SPATA31D1: variants seen among roughly 807,000 people sequenced by gnomAD.
The protein encoded by SPATA31D1 is spermatogenesis-associated protein 31D1.
Under a neutral mutation model 13.2 loss-of-function variants are expected in SPATA31D1, and 6 were observed. That is an observed-to-expected ratio of 0.46 (90% CI 0.25 to 0.90). The LOEUF (loss-of-function observed/expected upper bound fraction) is 0.90, where lower values mean the gene tolerates loss of function less well. SPATA31D1 is among the 40% of genes least tolerant of loss of function. The pLI, the probability that SPATA31D1 is intolerant of heterozygous loss-of-function variation, is 0.18. For missense variants in SPATA31D1, 2,445 were observed against 1,884.7 expected, an observed-to-expected ratio of 1.30 and a Z score of -5.50; for synonymous variants, 903 against 718.8, an observed-to-expected ratio of 1.26 and a Z score of -4.10.
In SPATA31D1 at chr9:81,993,923, T is replaced by A. The variant is rs770778867; in HGVS notation, c.3453T>A (p.Asn1151Lys). The A allele has an allele frequency of 3.7e-6, 6 of 1,613,890 alleles. No homozygotes were observed. Among genetic ancestry groups the A allele is most frequent in the Non-Finnish European group, 5.1e-6 (6 of 1,179,810 alleles). The change falls in exon 4 of 4, where the codon AAT (asparagine) becomes AAA (lysine). Residue 1151 changes from asparagine (N) to lysine (K), a missense_variant. By Grantham distance (94) the Asn-to-Lys change is moderately conservative. Transcript: ENST00000344803. ...GTAGAAAGACCTTTCCTGTCACCAA[T>A]GCTCTTCAATCACAAACTAGGAACA... ...QGSRKTFPVT[N>K]ALQSQTRNNL...
At position 81,988,861 on chromosome 9, in the gene SPATA31D1, G is replaced by C; in HGVS notation, c.43G>C (p.Gly15Arg). The C allele has an allele frequency of 6.2e-7, 1 of 1,612,922 alleles. No individual in the cohort carries two copies. Among genetic ancestry groups the C allele is most frequent in the African/African-American group, 1.3e-5 (1 of 74,982 alleles). ...LCFLNSYTET[G>R]LSPDSHWLDI... ...TTTTCTGAACAGCTATACTGAGACA[G>C]GGCTGAGCCCTGACTCACATTGGTT... The change falls in exon 1 of 4, where the codon GGG becomes CGG. Residue 15 changes from glycine to arginine, a missense_variant. Transcript: ENST00000344803.
chr9:81,991,734 A>T lies in SPATA31D1; in HGVS notation c.1264A>T (p.Arg422Trp), dbSNP rs1564173836. 6.2e-7 allele frequency: 1 copy of T among 1,613,856 alleles called. No individual in the cohort carries two copies. Among genetic ancestry groups the T allele is most frequent in the Admixed American group, 1.7e-5 (1 of 60,018 alleles). Residue 422 changes from arginine to tryptophan, a missense_variant, in exon 4 of 4, where the codon AGG (arginine) becomes TGG (tryptophan). Coordinates refer to ENST00000344803, the MANE Select transcript of SPATA31D1 (RefSeq NM_001001670.3). The part of the protein sequence containing the change: ...LALLERQVKK[R>W]GDFLMWKENG... Reference sequence around the variant, plus strand: ...ACTCCTGGAGAGACAAGTCAAAAAAAGGGGTGATTTCCTGATGTGGAAAGA... The same window carrying T: ...ACTCCTGGAGAGACAAGTCAAAAAATGGGGTGATTTCCTGATGTGGAAAGA...
chr9:81,991,385 A>G lies in SPATA31D1; in HGVS notation c.915A>G (p.Pro305=), dbSNP rs368251732. 6.8e-6 allele frequency: 11 copies of G among 1,613,796 alleles called. No individual in the cohort carries two copies. The African/African-American group carries it at 1.5e-4, about 22-fold the overall frequency. Residue 305 remains proline (P), a synonymous_variant, in exon 4 of 4, where the codon CCA becomes CCG. Transcript: ENST00000344803. ...GACCACCAATCCCATCTGCTTTACC[A>G]CCGGAAGATTGCACTGTGACTCAGT... ...HHGPPIPSAL[P]PEDCTVTQSK...
intron 3 of SPATA31D1, 40 bp from the exon 4 acceptor site, chr9:81,990,733 G>A: frequency 6.4e-7 from 1 of 1,564,174 alleles, no homozygotes; most frequent in South Asian, 1.2e-5. Context: ...CCCCTGCCAG[G>A]CTAACAAATC....
At chr9:81,990,391 T>G (rs1824926638) in intron 2 of SPATA31D1, 26 bp from the exon 3 acceptor site, 1 of 1,566,040 alleles carries the variant, frequency 6.4e-7, no homozygotes, top group Non-Finnish European at 8.7e-7. Flanking sequence ...TGCCTCTATC[T>G]TCATTGCATA....
chr9:81,994,671 G>A lies in SPATA31D1; in HGVS notation c.4201G>A (p.Glu1401Lys), dbSNP rs1825060185. 6.2e-7 allele frequency: 1 copy of A among 1,613,432 alleles called. No individual in the cohort carries two copies. The highest frequency in any genetic ancestry group is 8.5e-7 in the Non-Finnish European group (1 of 1,179,652). Residue 1401 changes from glutamate (E) to lysine (K), a missense_variant, in exon 4 of 4, where the codon GAA (glutamate) becomes AAA (lysine). Transcript: ENST00000344803. ...VIRAAFTGTT[E>K]AQKIRKDTRE... ...AAGAGCTGCCTTTACTGGGACTACT[G>A]AAGCTCAGAAAATTAGGAAAGACAC...
Position 81,994,876 on chromosome 9 carries a change from C to T in SPATA31D1, c.4406C>T (p.Thr1469Ile). Residue 1469 changes from threonine to isoleucine, a missense_variant, in exon 4 of 4, where the codon ACA becomes ATA. Coordinates refer to ENST00000344803, the MANE Select transcript of SPATA31D1 (RefSeq NM_001001670.3). ...CNYRAPSCKVTRTKSCSQQAI... is the reference protein window; with the variant it reads ...CNYRAPSCKVIRTKSCSQQAI... Reference sequence around the variant, plus strand: ...TACAGGGCTCCCTCCTGCAAAGTGACACGTACCAAATCTTGCAGCCAACAA... The same window carrying T: ...TACAGGGCTCCCTCCTGCAAAGTGATACGTACCAAATCTTGCAGCCAACAA... 1 of 1,613,968 alleles carries T rather than the reference C, an allele frequency of 6.2e-7. No individual in the cohort carries two copies.
In SPATA31D1 at chr9:81,992,672, C is replaced by T. The variant is rs377116387; in HGVS notation, c.2202C>T (p.Ile734=). The T allele has an allele frequency of 1.5e-5, 24 of 1,613,810 alleles. No individual in the cohort carries two copies. Among genetic ancestry groups the T allele is most frequent in the Non-Finnish European group, 1.9e-5 (23 of 1,179,732 alleles). The change falls in exon 4 of 4, where the codon ATC becomes ATT. Residue 734 remains isoleucine, a synonymous_variant. Coordinates refer to ENST00000344803, the MANE Select transcript of SPATA31D1 (RefSeq NM_001001670.3). The part of the protein sequence containing the change: ...VSERIHGPLN[I]SLVEGQRCNV... The stretch of plus-strand genomic sequence containing the variant: ...AGAGAATTCATGGACCGTTAAATAT[C>T]TCTTTGGTTGAGGGTCAGAGGTGCA...
At chr9:81,989,757 T>C in intron 1 of SPATA31D1, 21 bp from the exon 2 acceptor site, 3 of 1,613,086 alleles carry the variant, frequency 1.9e-6, no homozygotes, top group Non-Finnish European at 2.5e-6. Context: ...CAGCCTGTCA[T>C]TATCTGTCTT....
chr9:81,992,813 A>T lies in SPATA31D1; in HGVS notation c.2343A>T (p.Pro781=). The T allele has an allele frequency of 6.2e-7, 1 of 1,613,826 alleles. No individual in the cohort carries two copies. Among genetic ancestry groups the T allele is most frequent in the East Asian group, 2.2e-5 (1 of 44,866 alleles). Residue 781 remains proline (P), a synonymous_variant, in exon 4 of 4, where the codon CCA becomes CCT. Coordinates refer to ENST00000344803, the MANE Select transcript of SPATA31D1 (RefSeq NM_001001670.3). ...AGGGATACAGCCAGGAGACTGTCCC[A>T]AAAGATCACCTGTTGCATGGTCCGG... The part of the protein sequence containing the change: ...NYQGYSQETV[P]KDHLLHGPET...
Position 81,994,888 on chromosome 9 carries a change from C to G in SPATA31D1, c.4418C>G (p.Ser1473Cys), listed in dbSNP as rs139566385. The G allele has an allele frequency of 9.9e-4, 1,601 of 1,614,000 alleles. 16 individuals carry two copies. The African/African-American group carries it at 0.018, about 19-fold the overall frequency. ...TCCTGCAAAGTGACACGTACCAAAT[C>G]TTGCAGCCAACAAGCTATCTTTGTT... is the stretch of plus-strand genomic sequence containing the variant. ...APSCKVTRTK[S>C]CSQQAIFVGQ... The change falls in exon 4 of 4, where the codon TCT becomes TGT. Residue 1473 changes from serine (S) to cysteine (C), a missense_variant. By Grantham distance (112) the Ser-to-Cys change is moderately radical. Coordinates refer to ENST00000344803, the MANE Select transcript of SPATA31D1 (RefSeq NM_001001670.3).
chr9:81,987,846 T>A (rs568389651), upstream of SPATA31D1, among the ~76,000 whole-genome samples: 5 of 152,196 alleles, frequency 3.3e-5, no homozygotes, highest in South Asian at 6.2e-4. Context: ...CTTCTGAGAT[T>A]AAAAAACTGG....
chr9:81,993,221 C>A lies in SPATA31D1; in HGVS notation c.2751C>A (p.Gly917=). The A allele has an allele frequency of 1.2e-6, 2 of 1,613,946 alleles. No homozygotes were observed. The highest frequency in any genetic ancestry group is 1.7e-6 in the Non-Finnish European group (2 of 1,179,860). ...IKTFRMRMLW[G]LPLKVLESIE... ...CTTTCCGTATGAGGATGCTGTGGGG[C>A]CTTCCCCTCAAGGTCCTTGAATCCA... Residue 917 remains glycine (G), a synonymous_variant, in exon 4 of 4, where the codon GGC becomes GGA. Transcript: ENST00000344803.
Position 81,994,693 on chromosome 9 carries a change from A to ACACTAGG in SPATA31D1, c.4224_4230dup (p.Glu1411HisfsTer2), listed in dbSNP as rs1410530227. The stretch of plus-strand genomic sequence containing the variant: ...ACTGAAGCTCAGAAAATTAGGAAAG[A>ACACTAGG]CACTAGGGAGTTCCTAGAAGAGAAG... On this transcript the variant is annotated frameshift_variant, in exon 4 of 4. Transcript: ENST00000344803. LOFTEE classifies it low-confidence loss of function (END_TRUNC). 1 of 1,613,598 alleles carries ACACTAGG rather than the reference A, an allele frequency of 6.2e-7. No homozygotes were observed. The highest frequency in any genetic ancestry group is 1.3e-5 in the African/African-American group (1 of 74,902).
At chr9:81,988,110 CAG>C (rs2133434073), upstream of SPATA31D1, among the ~76,000 whole-genome samples, 1 of 152,204 alleles carries the variant, frequency 6.6e-6, no homozygotes, top group East Asian at 1.9e-4. Context: ...AAAGCCAGCA[CAG>C]GGGACAGGTT....
At position 81,994,035 on chromosome 9, in the gene SPATA31D1, A is replaced by G. The variant is rs765010575; in HGVS notation, c.3565A>G (p.Ile1189Val). The G allele has an allele frequency of 3.7e-6, 6 of 1,613,750 alleles. No homozygotes were observed. The Admixed American group carries it at 8.3e-5, about 22-fold the overall frequency. The change falls in exon 4 of 4, where the codon ATA becomes GTA. Residue 1189 changes from isoleucine to valine, a missense_variant. Physicochemically the swap from Ile to Val is conservative, Grantham distance 29. Coordinates refer to ENST00000344803, the MANE Select transcript of SPATA31D1 (RefSeq NM_001001670.3). ...TGAAACTGAAATTTTCCCACCAAGA[A>G]TATCAGTTCCTCAAGATCCTAAATC... ...SNETEIFPPR[I>V]SVPQDPKSSY...
Position 81,991,406 on chromosome 9 carries a change from T to G in SPATA31D1, c.936T>G (p.Thr312=). Residue 312 remains threonine (T), a synonymous_variant, in exon 4 of 4, where the codon ACT becomes ACG. Transcript: ENST00000344803. The stretch of plus-strand genomic sequence containing the variant: ...TACCACCGGAAGATTGCACTGTGAC[T>G]CAGTCTAAATCAAGTCTCACCATCT... ...SALPPEDCTV[T]QSKSSLTILK... 6.2e-7 allele frequency: 1 copy of G among 1,614,058 alleles called. No individual in the cohort carries two copies. The highest frequency in any genetic ancestry group is 1.3e-5 in the African/African-American group (1 of 75,058).
Position 81,994,844 on chromosome 9 carries a change from C to A in SPATA31D1, c.4374C>A (p.Pro1458=). 1.9e-6 allele frequency: 3 copies of A among 1,613,990 alleles called. No homozygotes were observed. Among genetic ancestry groups the A allele is most frequent in the Non-Finnish European group, 1.7e-6 (2 of 1,179,886 alleles). The stretch of plus-strand genomic sequence containing the variant: ...GAGCAGAGCCTGTCCAGGGCTGTCC[C>A]TGCAACTACAGGGCTCCCTCCTGCA... ...HVRAEPVQGC[P]CNYRAPSCKV... is the part of the protein sequence containing the mutation. Residue 1458 remains proline, a synonymous_variant, in exon 4 of 4, where the codon CCC becomes CCA. Transcript: ENST00000344803.
chr9:81,991,318 C>A lies in SPATA31D1; in HGVS notation c.848C>A (p.Ser283Ter). ...GGCTCCACCCTATGCCAAGATATTTCGCAGGCCATGAATCCCATTGATTCT... is the reference window on the plus strand; with the variant it reads ...GGCTCCACCCTATGCCAAGATATTTAGCAGGCCATGAATCCCATTGATTCT... ...SFGSTLCQDI[S>*]QAMNPIDSCA... Residue 283 changes from serine to a stop codon, truncating the protein, a stop_gained, in exon 4 of 4, where the codon TCG (serine) becomes TAG (stop). Coordinates refer to ENST00000344803, the MANE Select transcript of SPATA31D1 (RefSeq NM_001001670.3). LOFTEE classifies it low-confidence loss of function (END_TRUNC). The A allele has an allele frequency of 6.2e-7, 1 of 1,614,028 alleles. No homozygotes were observed. The highest frequency in any genetic ancestry group is 8.5e-7 in the Non-Finnish European group (1 of 1,179,898).
Sources: allele counts gnomAD v4.1 joint callset (sites outside exome capture counted in the v4.1 genomes callset), GRCh38; gene constraint gnomAD v4.1.1; transcripts MANE v1.5; gene names NCBI Gene and HGNC (gene_info 2026-07-23, HGNC 2026-07-21).